The following SORL1 variants were observed in gnomAD, a reference collection of about 807,000 sequenced individuals.
SORL1 encodes the protein sortilin-related receptor.
A neutral mutation model predicts 273.7 loss-of-function variants in SORL1; 127 were observed. The observed-to-expected ratio is 0.46, with a 90% confidence interval of 0.40 to 0.54. The LOEUF (loss-of-function observed/expected upper bound fraction) is 0.54, where lower values mean the gene tolerates loss of function less well. Among genes scored for constraint, SORL1 ranks in the 20% least tolerant of loss-of-function variants. The pLI is 0.00. For synonymous variants in SORL1, 1,031 were observed against 1,067.4 expected, an observed-to-expected ratio of 0.97 and a Z score of 0.66; for missense variants, 2,494 against 2,846.1, an observed-to-expected ratio of 0.88 and a Z score of 2.81.
chr11:121,460,191 G>A (rs1346844587), intron 1 of SORL1, among the ~76,000 whole-genome samples: 1 of 152,104 alleles, frequency 6.6e-6, no homozygotes, highest in African/African-American at 2.4e-5. Context: ...GGTAACTGAT[G>A]TGACCTCTAT....
In SORL1 at chr11:121,621,047, T is replaced by G. The variant is rs768164796; in HGVS notation, c.5890-17T>G. The G allele has an allele frequency of 1.3e-6, 2 of 1,567,574 alleles. No individual in the cohort carries two copies. The highest frequency in any genetic ancestry group is 3.5e-5 in the Admixed American group (2 of 56,982). On this transcript the variant is annotated splice_polypyrimidine_tract_variant and intron_variant, in intron 43 of 47. Coordinates refer to ENST00000260197, the MANE Select transcript of SORL1 (RefSeq NM_003105.6). ...CAACTTTCTGATTATCATTCACTTGTTCTTTTTTGGTCCTAGTTGTATGCA... is the reference window on the plus strand; with the variant it reads ...CAACTTTCTGATTATCATTCACTTGGTCTTTTTTGGTCCTAGTTGTATGCA...
At chr11:121,612,421 T>C in intron 39 of SORL1, 1 of 225,614 alleles carries the variant, frequency 4.4e-6, no homozygotes, top group South Asian at 5.7e-5. Flanking sequence ...CCTAATTATC[T>C]TTCCAGTGTT....
In SORL1 at chr11:121,558,618, C is replaced by T. The variant is rs781470150; in HGVS notation, c.2691C>T (p.Asp897=). Residue 897 remains aspartate, a synonymous_variant, in exon 20 of 48, where the codon GAC becomes GAT. Coordinates refer to ENST00000260197, the MANE Select transcript of SORL1 (RefSeq NM_003105.6). ...EGVMFWTDWG[D]LKPGIYRSNM... The stretch of plus-strand genomic sequence containing the variant: ...TGATGTTCTGGACAGACTGGGGAGA[C>T]CTGAAGCCTGGGATTTATCGGAGCA... The T allele has an allele frequency of 1.9e-6, 3 of 1,613,914 alleles. No homozygotes were observed. The highest frequency in any genetic ancestry group is 2.7e-5 in the African/African-American group (2 of 74,856).
chr11:121,500,360 C>G (rs952482181), intron 6 of SORL1, among the ~76,000 whole-genome samples: 12 of 152,202 alleles, frequency 7.9e-5, no homozygotes, highest in African/African-American at 2.9e-4. Flanking sequence ...AAGACATGAT[C>G]TGTGGACTTG....
chr11:121,528,367 G>A (rs933806822), intron 11 of SORL1, among the ~76,000 whole-genome samples: 1 of 152,178 alleles, frequency 6.6e-6, no homozygotes, highest in Non-Finnish European at 1.5e-5. Flanking sequence ...GCTGAGGTGG[G>A]AGGCTCACTT....
At chr11:121,608,473 A>G in intron 38 of SORL1, 1 of 326,974 alleles carries the variant, frequency 3.1e-6, no homozygotes, top group Non-Finnish European at 5.6e-6. Context: ...TATCTAAAAT[A>G]GAAGGAGTCC....
At chr11:121,514,732 A>ATTACTC (rs921120387) in intron 8 of SORL1, among the ~76,000 whole-genome samples, 8 of 152,132 alleles carry the variant, frequency 5.3e-5, no homozygotes, top group African/African-American at 1.9e-4. Context: ...AATTGATGTC[A>ATTACTC]TTACTCTTTT....
rs529741309 is a variant in SORL1 at position 121,595,920 on chromosome 11, C to T, written c.4519+148C>T. The T allele has an allele frequency of 3.0e-4, 242 of 796,598 alleles. 4 individuals carry two copies. The South Asian group carries it at 4.4e-3, about 14-fold the overall frequency. The allele number at this position is 796,598 out of a possible 1,614,324, so 49.3% of individuals were successfully genotyped here. On this transcript the variant is annotated intron_variant, in intron 32 of 47. Coordinates refer to ENST00000260197, the MANE Select transcript of SORL1 (RefSeq NM_003105.6). The surrounding 1 kb of genome is among the most constrained non-coding windows in gnomAD (Gnocchi z 5.1). ...ATGCTCTTACTGCATTCTCCACAAG[C>T]GCTTTGCCACGTGCACCCATACCAT...
rs1863879202 is a variant in SORL1, at chr11:121,631,691, C to T, written c.*2128C>T. 1 of 152,192 alleles carries T rather than the reference C, an allele frequency of 6.6e-6. No individual in the cohort carries two copies. The highest frequency in any genetic ancestry group is 2.4e-5 in the African/African-American group (1 of 41,432). The allele number at this position is 152,192 out of a possible 1,614,324, so 9.4% of individuals were successfully genotyped here. ...TTGAGATATTTCCGAGCATCCGGTT[C>T]TAGCTACCAGTGCCTCCCAATGCTT... On this transcript the variant is annotated 3_prime_UTR_variant, in exon 48 of 48. Coordinates refer to ENST00000260197, the MANE Select transcript of SORL1 (RefSeq NM_003105.6).
intron 16 of SORL1, among the ~76,000 whole-genome samples, chr11:121,552,595 T>A (rs1362974799): frequency 3.3e-5 from 5 of 152,238 alleles, no homozygotes; most frequent in African/African-American, 1.2e-4. Flanking sequence ...CGGGAAGGTT[T>A]CCTTGACAAC....
At chr11:121,526,555 C>T (rs187756291) in intron 11 of SORL1, among the ~76,000 whole-genome samples, 5 of 152,150 alleles carry the variant, frequency 3.3e-5, no homozygotes, top group Admixed American at 2.0e-4. Context: ...GGAGGAGAAT[C>T]GACATGTTAA....
intron 1 of SORL1, 103 bp from the exon 2 acceptor site, chr11:121,469,904 A>G (rs1861143756): frequency 2.3e-6 from 2 of 870,648 alleles, no homozygotes; most frequent in South Asian, 1.4e-5. Context: ...AGATGGCAGA[A>G]TCTTCATCAT....
intron 25 of SORL1, among the ~76,000 whole-genome samples, chr11:121,581,774 G>A (rs757553596): frequency 1.3e-5 from 2 of 152,176 alleles, no homozygotes; most frequent in Non-Finnish European, 2.9e-5. Context: ...AACTTCACTA[G>A]CACTCTGAAA....
At chr11:121,494,132 C>G (rs528924426) in intron 5 of SORL1, among the ~76,000 whole-genome samples, 1 of 152,270 alleles carries the variant, frequency 6.6e-6, no homozygotes, top group East Asian at 1.9e-4. Context: ...AGCAGAATTA[C>G]TAGATAAGGG....
At chr11:121,619,173 G>A (rs535466504) in intron 42 of SORL1, among the ~76,000 whole-genome samples, 1 of 152,174 alleles carries the variant, frequency 6.6e-6, no homozygotes, top group African/African-American at 2.4e-5. Context: ...CCACTTCTAG[G>A]AATTTAGCCT....
In SORL1 at chr11:121,583,141, G is replaced by A. The variant is rs1863036513; in HGVS notation, c.3581-317G>A. On this transcript the variant is annotated intron_variant, in intron 25 of 47. Coordinates refer to ENST00000260197, the MANE Select transcript of SORL1 (RefSeq NM_003105.6). ...TCTCTAATTTTCCTATTCTCTCTAA[G>A]CCTGTTCTCATTTGTGAAAGGGGAA... 2.0e-5 allele frequency among the ~76,000 whole-genome samples: 3 copies of A among 152,198 alleles called. No homozygotes were observed. In the South Asian group the frequency reaches 6.2e-4, roughly 31 times the overall value.
At chr11:121,518,596 A>C (rs534355747) in intron 8 of SORL1, among the ~76,000 whole-genome samples, 1 of 152,362 alleles carries the variant, frequency 6.6e-6, no homozygotes, top group South Asian at 2.1e-4. Context: ...AGCAGAGGTC[A>C]GCAGAGAAGG....
At chr11:121,511,283 G>A (rs1334157816) in intron 6 of SORL1, among the ~76,000 whole-genome samples, 1 of 151,982 alleles carries the variant, frequency 6.6e-6, no homozygotes, top group African/African-American at 2.4e-5. Flanking sequence ...AGCAGCAATC[G>A]TTAAGTATTT....
chr11:121,506,503 G>C (rs1283376260), intron 6 of SORL1, among the ~76,000 whole-genome samples: 1 of 152,174 alleles, frequency 6.6e-6, no homozygotes, highest in East Asian at 1.9e-4. Context: ...CAGATCTCAT[G>C]AGACTTATTC....
Sources: gnomAD v4.1 joint callset for allele counts (sites outside exome capture counted in the v4.1 genomes callset) on GRCh38, gnomAD v4.1.1 for gene constraint, Gnocchi (gnomAD v3.1) non-coding constraint, MANE v1.5 for transcripts, NCBI Gene and HGNC (gene_info 2026-07-23, HGNC 2026-07-21) for gene names.